Variants in FAM13B observed in about 807,000 individuals in gnomAD.
FAM13B encodes family with sequence similarity 13 member B.
In FAM13B, 60 loss-of-function variants were observed where a neutral mutation model predicts 117.3. The observed-to-expected ratio is 0.51, with a 90% CI of 0.42 to 0.63. FAM13B has a LOEUF of 0.63. Ranked by LOEUF, FAM13B falls within the 30% of genes least tolerant of loss-of-function variation. The pLI is 0.00. For missense variants in FAM13B, 972 were observed against 1,091.9 expected, an observed-to-expected ratio of 0.89 and a Z score of 1.55; for synonymous variants, 332 against 356.1, an observed-to-expected ratio of 0.93 and a Z score of 0.76.
chr5:138,036,003 A>G (rs1354277532), upstream of FAM13B, among the ~76,000 whole-genome samples: 1 of 151,940 alleles, frequency 6.6e-6, no homozygotes, highest in Non-Finnish European at 1.5e-5. Context: ...ACCTCCAACT[A>G]CTTGTCTGTT....
At chr5:137,991,330 T>C (rs578075261) in intron 7 of FAM13B, among the ~76,000 whole-genome samples, 1 of 152,348 alleles carries the variant, frequency 6.6e-6, no homozygotes, top group African/African-American at 2.4e-5. Flanking sequence ...ATTGTCTTTA[T>C]ATGTGTAAGC....
intron 10 of FAM13B, among the ~76,000 whole-genome samples, chr5:137,976,238 A>G (rs1773961577): frequency 6.6e-6 from 1 of 152,086 alleles, no homozygotes; most frequent in South Asian, 2.1e-4. Context: ...TACAGGCGTG[A>G]ACCACCATGC....
rs1482896381 is a variant in FAM13B at position 137,964,718 on chromosome 5, CACAA to C, written c.1180-2253_1180-2250del. Among the ~76,000 whole-genome samples, 5 of 151,662 alleles carry C rather than the reference CACAA, an allele frequency of 3.3e-5. No homozygotes were observed. In the South Asian group the frequency reaches 6.3e-4, roughly 19 times the overall value. ...TCTGGGTGACAGTACAAGACTCCGT[CACAA>C]ACAAACAAACAGAACCTTGGTATCT... On this transcript the variant is annotated intron_variant, in intron 10 of 23. Coordinates refer to ENST00000689681, the MANE Select transcript of FAM13B (RefSeq NM_001385994.1).
chr5:137,942,701 T>C (rs1762215475), intron 22 of FAM13B, 174 bp downstream of exon 22: 3 of 592,994 alleles, frequency 5.1e-6, no homozygotes, highest in Non-Finnish European at 8.3e-6. Flanking sequence ...TAATGTTTTA[T>C]TTAAAAATGG....
intron 10 of FAM13B, among the ~76,000 whole-genome samples, chr5:137,969,707 T>C (rs1378343794): frequency 6.6e-6 from 1 of 151,840 alleles, no homozygotes; most frequent in Non-Finnish European, 1.5e-5. Flanking sequence ...AGTTGAAAAC[T>C]TTGAAAAAAA....
At chr5:137,980,016 A>ATT (rs1186466821) in intron 10 of FAM13B, among the ~76,000 whole-genome samples, 2 of 151,116 alleles carry the variant, frequency 1.3e-5, no homozygotes, top group Non-Finnish European at 3.0e-5. Context: ...AAAAAAAAAA[A>ATT]AAAAAAATTA....
intron 10 of FAM13B, among the ~76,000 whole-genome samples, chr5:137,974,558 A>G (rs1773331461): frequency 6.7e-6 from 1 of 149,500 alleles, no homozygotes. Context: ...ATGTATACAT[A>G]TGTAACTAAC....
At position 137,946,139 on chromosome 5, in the gene FAM13B, A is replaced by G. The variant is rs1403176950; in HGVS notation, c.2244+89T>C. The G allele has an allele frequency of 9.1e-6, 12 of 1,324,614 alleles. No individual in the cohort carries two copies. The Admixed American group carries it at 2.5e-4, about 28-fold the overall frequency. 82.1% of individuals were successfully genotyped at this position (1,324,614 alleles called of 1,614,324 possible). On this transcript the variant is annotated intron_variant, in intron 19 of 23. Transcript: ENST00000689681. ...CCAATTGTAGGAAATAATGCTCAAA[A>G]AACAGCCCTGAAGAATGTAGGCCAC... is the stretch of plus-strand genomic sequence containing the variant.
chr5:137,987,599 A>G lies in FAM13B; in HGVS notation c.908T>C (p.Ile303Thr). The change falls in exon 9 of 24, where the codon ATT (isoleucine) becomes ACT (threonine). Residue 303 changes from isoleucine (I) to threonine (T), a missense_variant. Physicochemically the swap from Ile to Thr is moderately conservative, Grantham distance 89 (BLOSUM62 -1). Coordinates refer to ENST00000689681, the MANE Select transcript of FAM13B (RefSeq NM_001385994.1). ...AAGGTGCTGTTCCACAGCTGCTCTA[A>G]TTGTTCTTTCTAAAATACTACAAAA... ...PASTDILERTIRAAVEQHLFD... is the reference protein window; with the variant it reads ...PASTDILERTTRAAVEQHLFD... The G allele has an allele frequency of 6.2e-7, 1 of 1,611,548 alleles. No homozygotes were observed. The highest frequency in any genetic ancestry group is 1.1e-5 in the South Asian group (1 of 90,374).
intron 10 of FAM13B, among the ~76,000 whole-genome samples, chr5:137,979,409 A>G (rs1774999717): frequency 6.6e-6 from 1 of 152,164 alleles, no homozygotes; most frequent in Admixed American, 6.6e-5. Context: ...TTTTATGACT[A>G]CTACAAAAAA....
intron 7 of FAM13B, among the ~76,000 whole-genome samples, chr5:138,001,607 A>G (rs1406194722): frequency 6.6e-6 from 1 of 152,206 alleles, no homozygotes; most frequent in Non-Finnish European, 1.5e-5. Flanking sequence ...AGTAAACATA[A>G]TCCTGCTGTC....
At chr5:137,970,644 C>A (rs1401502150) in intron 10 of FAM13B, among the ~76,000 whole-genome samples, 1 of 152,014 alleles carries the variant, frequency 6.6e-6, no homozygotes, top group Non-Finnish European at 1.5e-5. Context: ...CTAAATGCTC[C>A]AATTAAAGGG....
At chr5:137,999,525 G>A (rs1310644221) in intron 7 of FAM13B, among the ~76,000 whole-genome samples, 1 of 151,602 alleles carries the variant, frequency 6.6e-6, no homozygotes, top group Non-Finnish European at 1.5e-5. Context: ...GCAGTGAGCC[G>A]AGATCACACC....
chr5:137,994,130 A>T (rs1779297867), intron 7 of FAM13B, among the ~76,000 whole-genome samples: 1 of 152,202 alleles, frequency 6.6e-6, no homozygotes, highest in South Asian at 2.1e-4. Flanking sequence ...GTATATATAA[A>T]AGTAGTGATC....
At chr5:138,047,720 G>C (rs979731767) in intron 1 of FAM13B, among the ~76,000 whole-genome samples, 1 of 152,162 alleles carries the variant, frequency 6.6e-6, no homozygotes, top group Admixed American at 6.5e-5. Context: ...GGAGTGACTG[G>C]GTATGAGAAT....
intron 10 of FAM13B, among the ~76,000 whole-genome samples, chr5:137,967,543 A>G (rs1001304313): frequency 6.6e-6 from 1 of 152,090 alleles, no homozygotes; most frequent in Non-Finnish European, 1.5e-5. Context: ...TGTACAAACC[A>G]AAAAGGAAAA....
chr5:137,942,876 T>G lies in FAM13B; in HGVS notation c.2587A>C (p.Met863Leu). 1 of 1,603,774 alleles carries G rather than the reference T, an allele frequency of 6.2e-7. No individual in the cohort carries two copies. Among genetic ancestry groups the G allele is most frequent in the Non-Finnish European group, 8.5e-7 (1 of 1,177,484 alleles). Reference sequence around the variant, plus strand: ...AAAATCACAAATCAGCATACATACATAGAAGCTGCTCGAGAACTTGACAAT... The same window carrying G: ...AAAATCACAAATCAGCATACATACAGAGAAGCTGCTCGAGAACTTGACAAT... The part of the protein sequence containing the change: ...LRLSSSRAAS[M>L]PELLEQLWKA... The change falls in exon 22 of 24, where the codon ATG becomes CTG. Residue 863 changes from methionine (M) to leucine (L), a missense_variant and splice_region_variant. By Grantham distance (15) the Met-to-Leu change is conservative (BLOSUM62 2). Coordinates refer to ENST00000689681, the MANE Select transcript of FAM13B (RefSeq NM_001385994.1).
At chr5:137,983,292 C>T (rs765287339) in intron 10 of FAM13B, among the ~76,000 whole-genome samples, 6 of 149,298 alleles carry the variant, frequency 4.0e-5, no homozygotes, top group Non-Finnish European at 7.4e-5. Flanking sequence ...TCAAACCTTG[C>T]TGTTAGGTCA....
chr5:137,979,037 G>C (rs1466751762), intron 10 of FAM13B, among the ~76,000 whole-genome samples: 1 of 147,584 alleles, frequency 6.8e-6, no homozygotes, highest in Non-Finnish European at 1.5e-5. Context: ...TTTTGAGACA[G>C]GGTCTTACTC....
Sources: gnomAD v4.1 joint callset for allele counts (sites outside exome capture counted in the v4.1 genomes callset) on GRCh38, gnomAD v4.1.1 for gene constraint, MANE v1.5 for transcripts, NCBI Gene and HGNC (gene_info 2026-07-23, HGNC 2026-07-21) for gene names.